Variants in RABGAP1L observed in about 807,000 individuals in gnomAD.
The protein encoded by RABGAP1L is rab GTPase-activating protein 1-like.
Under a neutral mutation model 137.7 loss-of-function variants are expected in RABGAP1L, and 63 were observed. That is an observed-to-expected ratio of 0.46 (90% CI 0.37 to 0.56). RABGAP1L has a LOEUF of 0.56. Among genes scored for constraint, RABGAP1L ranks in the 20% least tolerant of loss-of-function variants. The pLI is 0.00. For missense variants in RABGAP1L, 1,095 were observed against 1,244.0 expected (o/e 0.88, Z 1.80); for synonymous variants, 431 against 433.7 (o/e 0.99, Z 0.08).
intron 19 of RABGAP1L, among the ~76,000 whole-genome samples, chr1:174,936,091 GA>G (rs143144978): frequency 2.0e-5 from 3 of 149,902 alleles, no homozygotes; most frequent in East Asian, 2.0e-4. Context: ...AATATATCCA[GA>G]AAAAAAGCCA....
At chr1:174,460,775 C>T (rs999087765) in intron 13 of RABGAP1L, among the ~76,000 whole-genome samples, 3 of 151,672 alleles carry the variant, frequency 2.0e-5, no homozygotes, top group Non-Finnish European at 4.4e-5. Context: ...CTTCCTAGCC[C>T]CTATAGGGAA....
intron 15 of RABGAP1L, among the ~76,000 whole-genome samples, chr1:174,687,663 T>C (rs1557985770): frequency 6.6e-6 from 1 of 152,346 alleles, no homozygotes; most frequent in South Asian, 2.1e-4. Flanking sequence ...TCCAGGGAGA[T>C]ACATTATTAG....
At position 174,486,223 on chromosome 1, in the gene RABGAP1L, CTTTTTTT is replaced by C. The variant is rs201692363; in HGVS notation, c.1710+92088_1710+92094del. On this transcript the variant is annotated intron_variant, in intron 13 of 25. Coordinates refer to ENST00000681986, the MANE Select transcript of RABGAP1L (RefSeq NM_001366446.1). Reference sequence around the variant, plus strand: ...GATTCTATTTATTTGGTTCTTTTTTCTTTTTTTTTTTTTTTTGTCTGGCTAAATGTTT... The same window carrying C: ...GATTCTATTTATTTGGTTCTTTTTTCTTTTTTTTTGTCTGGCTAAATGTTT... Among the ~76,000 whole-genome samples, 50 of 119,884 alleles carry C rather than the reference CTTTTTTT, an allele frequency of 4.2e-4. 1 individual carries two copies. The South Asian group carries it at 4.7e-3, about 11-fold the overall frequency. The allele number at this position is 119,884 out of a possible 152,430, so 78.6% of individuals were successfully genotyped here.
intron 19 of RABGAP1L, among the ~76,000 whole-genome samples, chr1:174,835,078 G>C (rs1692601155): frequency 6.6e-6 from 1 of 152,152 alleles, no homozygotes; most frequent in Admixed American, 6.6e-5. Context: ...GATACATTTT[G>C]AAGGTAAAAT....
chr1:174,855,925 C>G (rs1476592857), intron 19 of RABGAP1L, among the ~76,000 whole-genome samples: 3 of 152,206 alleles, frequency 2.0e-5, no homozygotes, highest in African/African-American at 7.2e-5. Context: ...AAGCACTTAG[C>G]AACTTGTGTG....
intron 18 of RABGAP1L, among the ~76,000 whole-genome samples, chr1:174,795,043 C>G (rs983743518): frequency 6.6e-6 from 1 of 152,114 alleles, no homozygotes; most frequent in African/African-American, 2.4e-5. Flanking sequence ...GTGCAAGGCT[C>G]TAACTGGGAT....
intron 19 of RABGAP1L, among the ~76,000 whole-genome samples, chr1:174,833,468 A>ATATATAT (rs1279866308): frequency 2.1e-4 from 23 of 107,306 alleles, no homozygotes; most frequent in South Asian, 3.4e-4. Flanking sequence ...ATATATATAT[A>ATATATAT]GTAGAGACAG....
intron 19 of RABGAP1L, among the ~76,000 whole-genome samples, chr1:174,859,344 G>A (rs1341001356): frequency 7.2e-5 from 11 of 152,142 alleles, no homozygotes; most frequent in East Asian, 3.9e-4. Flanking sequence ...TTAGCCAGGC[G>A]TGGTGGCGGG....
At chr1:174,722,716 A>G (rs1365477129) in intron 17 of RABGAP1L, among the ~76,000 whole-genome samples, 2 of 151,034 alleles carry the variant, frequency 1.3e-5, no homozygotes, top group South Asian at 2.1e-4. Context: ...CTCCCAAAGT[A>G]CTGGGATTAC....
At chr1:174,880,194 A>G (rs1653943598) in intron 19 of RABGAP1L, among the ~76,000 whole-genome samples, 1 of 152,200 alleles carries the variant, frequency 6.6e-6, no homozygotes. Context: ...CATATATTAT[A>G]TGAAGATTAT....
chr1:174,525,525 C>G (rs978713846), intron 13 of RABGAP1L, among the ~76,000 whole-genome samples: 10 of 152,064 alleles, frequency 6.6e-5, no homozygotes, highest in African/African-American at 2.2e-4. Flanking sequence ...CTTATCAACT[C>G]TAAGAGATTT....
At chr1:174,323,299 G>A (rs1680172494) in intron 11 of RABGAP1L, among the ~76,000 whole-genome samples, 1 of 151,884 alleles carries the variant, frequency 6.6e-6, no homozygotes, top group Non-Finnish European at 1.5e-5. Context: ...AAAAATTTAA[G>A]TAAATCATTT....
At chr1:174,569,413 G>A (rs1047848567) in intron 13 of RABGAP1L, among the ~76,000 whole-genome samples, 1 of 152,182 alleles carries the variant, frequency 6.6e-6, no homozygotes, top group Admixed American at 6.5e-5. Flanking sequence ...GAATGGTAGA[G>A]CGTAAAGCAG....
intron 11 of RABGAP1L, among the ~76,000 whole-genome samples, chr1:174,332,691 C>T (rs916854860): frequency 3.3e-5 from 5 of 152,012 alleles, no homozygotes; most frequent in African/African-American, 4.8e-5. Flanking sequence ...CCACCGCGCC[C>T]GGCTGAGAAA....
chr1:174,197,545 C>A (rs1667783574), intron 1 of RABGAP1L, among the ~76,000 whole-genome samples: 1 of 152,132 alleles, frequency 6.6e-6, no homozygotes, highest in Non-Finnish European at 1.5e-5. Flanking sequence ...CTGCTTGATT[C>A]TCTGTTTCTT....
intron 19 of RABGAP1L, among the ~76,000 whole-genome samples, chr1:174,901,017 G>A (rs1211287576): frequency 2.0e-5 from 3 of 151,472 alleles, no homozygotes; most frequent in African/African-American, 4.9e-5. Flanking sequence ...CTCTATTCTT[G>A]TTTGCCTGTC....
intron 11 of RABGAP1L, among the ~76,000 whole-genome samples, chr1:174,311,766 C>T (rs929485365): frequency 1.1e-4 from 17 of 152,096 alleles, no homozygotes; most frequent in African/African-American, 2.2e-4. Context: ...AGCACCATGC[C>T]TGGCTAATTT....
chr1:174,743,372 T>C (rs1683607087), intron 17 of RABGAP1L, among the ~76,000 whole-genome samples: 1 of 152,148 alleles, frequency 6.6e-6, no homozygotes, highest in African/African-American at 2.4e-5. Context: ...ATAAAACAAA[T>C]GTTAAGGTTC....
intron 8 of RABGAP1L, among the ~76,000 whole-genome samples, chr1:174,273,110 T>C (rs1484406642): frequency 6.6e-6 from 1 of 152,058 alleles, no homozygotes; most frequent in Non-Finnish European, 1.5e-5. Flanking sequence ...AAAATAATCA[T>C]CTTAGAGTAA....
Sources: allele counts gnomAD v4.1 joint callset (sites outside exome capture counted in the v4.1 genomes callset), GRCh38; gene constraint gnomAD v4.1.1; transcripts MANE v1.5; gene names NCBI Gene and HGNC (gene_info 2026-07-23, HGNC 2026-07-21).